Variants in RAB9A observed in about 807,000 individuals in gnomAD.
The protein encoded by RAB9A is RAB9A, member RAS oncogene family, also known as ras-related protein Rab-9A.
A neutral mutation model predicts 10.3 loss-of-function variants in RAB9A; 1 was observed. That is an observed-to-expected ratio of 0.10 (90% CI 0.03 to 0.46). The LOEUF (loss-of-function observed/expected upper bound fraction) is 0.46. Among genes scored for constraint, RAB9A ranks in the 20% least tolerant of loss-of-function variants. RAB9A has a pLI of 0.96. For missense variants in RAB9A, 92 were observed against 150.3 expected (o/e 0.61, Z 2.03); for synonymous variants, 39 against 55.2 (o/e 0.71, Z 1.30).
At chrX:13,705,836 G>T (rs188256019) in intron 2 of RAB9A, among the ~76,000 whole-genome samples, 6 of 111,717 alleles carry the variant, frequency 5.4e-5, no homozygotes, top group Admixed American at 3.8e-4. Context: ...CGGTTCATTG[G>T]GGGGGTCACC....
chrX:13,700,908 A>G (rs1046595676), intron 1 of RAB9A, among the ~76,000 whole-genome samples: 1 of 110,763 alleles, frequency 9.0e-6, no homozygotes, highest in Non-Finnish European at 1.9e-5. Context: ...AGTAGCTGGG[A>G]CTACAGGCAT....
chrX:13,692,561 C>T (rs1414887484), intron 1 of RAB9A, among the ~76,000 whole-genome samples: 1 of 112,014 alleles, frequency 8.9e-6, no homozygotes, highest in Non-Finnish European at 1.9e-5. Context: ...TCACTGGAAT[C>T]GAGAAAGAAA....
In RAB9A at chrX:13,691,889, C is replaced by T. The variant is rs1446155809; in HGVS notation, c.-116+2601C>T. 2.7e-5 allele frequency among the ~76,000 whole-genome samples: 3 copies of T among 109,775 alleles called. No homozygotes were observed. In the East Asian group the frequency reaches 8.5e-4, roughly 31 times the overall value. On this transcript the variant is annotated intron_variant, in intron 1 of 2. Coordinates refer to ENST00000464506, the MANE Select transcript of RAB9A (RefSeq NM_004251.5). ...GTGGGGAGTCCCAACCTTCCTGAAG[C>T]TTACAGTCCAATCACAGTCATAAGA...
intron 1 of RAB9A, among the ~76,000 whole-genome samples, chrX:13,700,544 A>G (rs1487097098): frequency 8.9e-6 from 1 of 111,903 alleles, no homozygotes; most frequent in Non-Finnish European, 1.9e-5. Context: ...TGACCTGCTT[A>G]TCCAACTTTA....
At chrX:13,696,762 T>A (rs758488236) in intron 1 of RAB9A, among the ~76,000 whole-genome samples, 1 of 111,106 alleles carries the variant, frequency 9.0e-6, no homozygotes, top group African/African-American at 3.3e-5. Flanking sequence ...GAGCAGAGAG[T>A]TAATCAGGTT....
At chrX:13,689,878 G>A (rs1040048093) in intron 1 of RAB9A, among the ~76,000 whole-genome samples, 23 of 111,604 alleles carry the variant, frequency 2.1e-4, no homozygotes, top group Admixed American at 1.5e-3. Context: ...TCACAATCGC[G>A]TTCCCTTTTT....
chrX:13,708,072 A>G (rs2046205228), intron 2 of RAB9A, among the ~76,000 whole-genome samples: 1 of 111,763 alleles, frequency 8.9e-6, no homozygotes, highest in South Asian at 3.8e-4. Flanking sequence ...CTGTAGTCCC[A>G]GCACTTTGGG....
intron 1 of RAB9A, among the ~76,000 whole-genome samples, chrX:13,702,131 A>C (rs1446105526): frequency 1.8e-5 from 2 of 111,282 alleles, no homozygotes; most frequent in Non-Finnish European, 3.8e-5. Flanking sequence ...TCTTTGTAGC[A>C]TACTCTTCAC....
chrX:13,706,914 A>T (rs1448264248), intron 2 of RAB9A, among the ~76,000 whole-genome samples: 1 of 111,816 alleles, frequency 8.9e-6, no homozygotes, highest in Non-Finnish European at 1.9e-5. Context: ...TATAACCAGG[A>T]GACAGCCAGA....
At chrX:13,703,045 G>C (rs2046181311) in intron 1 of RAB9A, among the ~76,000 whole-genome samples, 1 of 113,000 alleles carries the variant, frequency 8.8e-6, no homozygotes, top group South Asian at 3.6e-4. Flanking sequence ...CTACATGTCA[G>C]TAAGATTGGA....
chrX:13,694,527 T>G (rs760852484), intron 1 of RAB9A, among the ~76,000 whole-genome samples: 3 of 112,188 alleles, frequency 2.7e-5, no homozygotes, highest in Non-Finnish European at 5.6e-5. Context: ...AAAACCTAGC[T>G]TCATGAAGAT....
At chrX:13,702,512 A>G (rs2046178703) in intron 1 of RAB9A, among the ~76,000 whole-genome samples, 2 of 111,899 alleles carry the variant, frequency 1.8e-5, no homozygotes, top group Non-Finnish European at 3.8e-5. Context: ...CTTTTTCCTT[A>G]ACTGTAGCTC....
chrX:13,694,210 A>G (rs1476429332), intron 1 of RAB9A, among the ~76,000 whole-genome samples: 1 of 111,647 alleles, frequency 9.0e-6, no homozygotes, highest in Non-Finnish European at 1.9e-5. Flanking sequence ...CTGTTTCTAC[A>G]ACTTGCTGTG....
chrX:13,701,072 G>A (rs1004045319), intron 1 of RAB9A, among the ~76,000 whole-genome samples: 12 of 111,786 alleles, frequency 1.1e-4, no homozygotes, highest in Non-Finnish European at 2.1e-4. Flanking sequence ...GCGCCTGGCC[G>A]AATTCACCCT....
chrX:13,691,528 C>T (rs961260506), intron 1 of RAB9A, among the ~76,000 whole-genome samples: 3 of 109,098 alleles, frequency 2.7e-5, no homozygotes, highest in Admixed American at 9.8e-5. Context: ...GGCGTGGTGG[C>T]GGATGCCCGT....
At position 13,691,659 on chromosome X, in the gene RAB9A, C is replaced by CAAAA. The variant is rs765886332; in HGVS notation, c.-116+2396_-116+2399dup. The stretch of plus-strand genomic sequence containing the variant: ...TGGGCAACAGAATGAGACTCCATCT[C>CAAAA]AAAAAAAAAAAAAAAAAAAAAAAAA... On this transcript the variant is annotated intron_variant, in intron 1 of 2. Coordinates refer to ENST00000464506, the MANE Select transcript of RAB9A (RefSeq NM_004251.5). 2.1e-3 allele frequency among the ~76,000 whole-genome samples: 33 copies of CAAAA among 15,921 alleles called. 6 individuals are homozygous for CAAAA. Among genetic ancestry groups the CAAAA allele is most frequent in the Non-Finnish European group, 2.9e-3 (23 of 8,042 alleles). 13.8% of individuals were successfully genotyped at this position (15,921 alleles called of 115,157 possible).
At chrX:13,699,478 C>A (rs150080695) in intron 1 of RAB9A, among the ~76,000 whole-genome samples, 1 of 112,422 alleles carries the variant, frequency 8.9e-6, no homozygotes, top group African/African-American at 3.2e-5. Context: ...TTGTGTGTCC[C>A]TCCCAGGGAG....
At chrX:13,698,874 A>G (rs1221933890) in intron 1 of RAB9A, among the ~76,000 whole-genome samples, 1 of 110,230 alleles carries the variant, frequency 9.1e-6, no homozygotes, top group Non-Finnish European at 1.9e-5. Context: ...TTTGAACCTC[A>G]TTTCCTCAAG....
At chrX:13,690,708 C>G (rs2046117160) in intron 1 of RAB9A, among the ~76,000 whole-genome samples, 1 of 111,781 alleles carries the variant, frequency 8.9e-6, no homozygotes, top group African/African-American at 3.3e-5. Flanking sequence ...TTAGCCTCCC[C>G]TCATTTCTGA....
Sources: allele counts gnomAD v4.1 joint callset (sites outside exome capture counted in the v4.1 genomes callset), GRCh38; gene constraint gnomAD v4.1.1; transcripts MANE v1.5; gene names NCBI Gene and HGNC (gene_info 2026-07-23, HGNC 2026-07-21).